Variants in NR2F1-AS1 observed in about 807,000 individuals in gnomAD.
NR2F1-AS1 encodes the protein NR2F1 antisense RNA 1.
chr5:93,419,079 T>C (rs916403015), intron 4 of NR2F1-AS1, among the ~76,000 whole-genome samples: 7 of 152,196 alleles, frequency 4.6e-5, no homozygotes, highest in African/African-American at 1.4e-4. Context: ...ACAGTGTTAT[T>C]TGCAATGGCA....
intron 4 of NR2F1-AS1, among the ~76,000 whole-genome samples, chr5:93,525,684 A>G (rs1310792082): frequency 6.6e-6 from 1 of 152,226 alleles, no homozygotes; most frequent in African/African-American, 2.4e-5. Flanking sequence ...ATCTAATTAG[A>G]ACTCAGGATT....
At chr5:93,542,088 T>C (rs1040279703) in intron 4 of NR2F1-AS1, 3 of 148,938 alleles carry the variant, frequency 2.0e-5, no homozygotes, top group Non-Finnish European at 4.4e-5. Context: ...CTTGCGCATC[T>C]CACCTTAGTC....
At chr5:93,486,505 A>G (rs1471826083) in intron 4 of NR2F1-AS1, among the ~76,000 whole-genome samples, 2 of 152,168 alleles carry the variant, frequency 1.3e-5, no homozygotes, top group Middle Eastern at 3.2e-3. Flanking sequence ...AGAAATGGAT[A>G]AATTCCTCGA....
chr5:93,515,627 G>GAATATGTGATCAATA (rs1485985933), intron 4 of NR2F1-AS1, among the ~76,000 whole-genome samples: 1 of 151,778 alleles, frequency 6.6e-6, no homozygotes, highest in Admixed American at 6.6e-5. Context: ...GTCTGGCTTG[G>GAATATGTGATCAATA]AATATGTGAT....
At chr5:93,422,569 C>T (rs1749111653) in intron 4 of NR2F1-AS1, 1 of 152,172 alleles carries the variant, frequency 6.6e-6, no homozygotes, top group African/African-American at 2.4e-5. Context: ...AAAGGCTTTC[C>T]TTTTCCTTTT....
intron 4 of NR2F1-AS1, among the ~76,000 whole-genome samples, chr5:93,414,538 G>A (rs1369737129): frequency 2.0e-5 from 3 of 152,132 alleles, no homozygotes; most frequent in African/African-American, 4.8e-5. Flanking sequence ...AGCAGTCTCC[G>A]ATCTGTGTAG....
chr5:93,562,774 G>C (rs1044299282), intron 2 of NR2F1-AS1, among the ~76,000 whole-genome samples: 1 of 151,972 alleles, frequency 6.6e-6, no homozygotes, highest in African/African-American at 2.4e-5. Flanking sequence ...ATAGTAATTG[G>C]GGCAGGGAGT....
upstream of NR2F1-AS1, chr5:93,585,157 G>T (rs1273388563): frequency 1.7e-6 from 2 of 1,179,986 alleles, no homozygotes; most frequent in African/African-American, 1.6e-5. Flanking sequence ...CAGCAGGCGG[G>T]CTCGGGCGCG....
chr5:93,474,360 G>A (rs1352457204), intron 4 of NR2F1-AS1, among the ~76,000 whole-genome samples: 3 of 152,114 alleles, frequency 2.0e-5, no homozygotes, highest in Non-Finnish European at 4.4e-5. Flanking sequence ...CAAGTATACT[G>A]CCTATAACAG....
intron 4 of NR2F1-AS1, among the ~76,000 whole-genome samples, chr5:93,469,132 T>C (rs930764461): frequency 1.3e-5 from 2 of 152,158 alleles, no homozygotes; most frequent in Non-Finnish European, 2.9e-5. Flanking sequence ...TTGAGTTGCT[T>C]AATGATGGGG....
intron 1 of NR2F1-AS1, among the ~76,000 whole-genome samples, chr5:93,567,630 AG>A (rs1752647814): frequency 6.6e-6 from 1 of 152,178 alleles, no homozygotes; most frequent in East Asian, 1.9e-4. Flanking sequence ...CATCATTCAG[AG>A]CTGTTTTTAT....
intron 4 of NR2F1-AS1, among the ~76,000 whole-genome samples, chr5:93,412,361 A>G (rs960460483): frequency 6.6e-6 from 1 of 152,034 alleles, no homozygotes; most frequent in Non-Finnish European, 1.5e-5. Context: ...TCAGCCATTC[A>G]TTCCAGGCTC....
At chr5:93,561,614 A>T (rs1489787187) in intron 2 of NR2F1-AS1, among the ~76,000 whole-genome samples, 1 of 152,052 alleles carries the variant, frequency 6.6e-6, no homozygotes, top group Admixed American at 6.5e-5. Context: ...CTCTACAAAA[A>T]ATTAAAAAAT....
intron 1 of NR2F1-AS1, among the ~76,000 whole-genome samples, chr5:93,573,282 C>T (rs1752818246): frequency 6.6e-6 from 1 of 152,210 alleles, no homozygotes; most frequent in Non-Finnish European, 1.5e-5. Flanking sequence ...TTCCCGGCAG[C>T]GGGCCTCCAG....
At chr5:93,422,430 G>C (rs1276676318) in intron 4 of NR2F1-AS1, 1 of 152,266 alleles carries the variant, frequency 6.6e-6, no homozygotes, top group Admixed American at 6.5e-5. Flanking sequence ...ATCTGAAAGA[G>C]TGGCTGAGCT....
At chr5:93,585,194 G>T (rs1305029506), upstream of NR2F1-AS1, 2 of 1,531,786 alleles carry the variant, frequency 1.3e-6, no homozygotes, top group Non-Finnish European at 1.8e-6. Flanking sequence ...CCCCGGGCCA[G>T]CCCGGAGCGC....
chr5:93,476,548 A>G (rs926615696), intron 4 of NR2F1-AS1, among the ~76,000 whole-genome samples: 2 of 152,180 alleles, frequency 1.3e-5, no homozygotes, highest in Admixed American at 1.3e-4. Context: ...ATTAAAGTCA[A>G]TATGTCTTTT....
chr5:93,492,067 T>TA (rs917496965), intron 4 of NR2F1-AS1, among the ~76,000 whole-genome samples: 2 of 151,942 alleles, frequency 1.3e-5, no homozygotes, highest in South Asian at 2.1e-4. Flanking sequence ...CCACTGATTA[T>TA]AAAAAAAGAA....
At chr5:93,585,266 G>A (rs1253260415), upstream of NR2F1-AS1, 1 of 1,591,720 alleles carries the variant, frequency 6.3e-7, no homozygotes. Flanking sequence ...GCCAGAGCCA[G>A]CAGCACATCG....
Sources: gnomAD v4.1 joint callset for allele counts (sites outside exome capture counted in the v4.1 genomes callset) on GRCh38, gnomAD v4.1.1 for gene constraint, MANE v1.5 for transcripts, NCBI Gene and HGNC (gene_info 2026-07-23, HGNC 2026-07-21) for gene names.